The following HEXB variants were observed in gnomAD, a reference collection of about 807,000 sequenced individuals.
HEXB encodes the protein beta-hexosaminidase subunit beta.
Under a neutral mutation model 71.2 loss-of-function variants are expected in HEXB, and 51 were observed. That is an observed-to-expected ratio of 0.72 (90% CI 0.57 to 0.90). The LOEUF is 0.90. Among genes scored for constraint, HEXB ranks in the 40% least tolerant of loss-of-function variants. The probability of loss-of-function intolerance (pLI) is 0.00; values close to 1 mark genes in which losing one functional copy is unlikely to be tolerated. For synonymous variants in HEXB, 266 were observed against 249.3 expected (o/e 1.07, Z -0.63); for missense variants, 617 against 677.0 (o/e 0.91, Z 0.98).
Position 74,649,261 on chromosome 5 carries a change from G to A in HEXB, c.-377+8703G>A, listed in dbSNP as rs893227731. On this transcript the variant is annotated intron_variant, in intron 1 of 13. Transcript: ENST00000511181. ...CATGTATTTTCTCAGCAGAGACTGA[G>A]CAATTTCCAACTAGCCAACCCAGTG... Among the ~76,000 whole-genome samples the A allele has an allele frequency of 3.9e-5, 6 of 152,286 alleles. No individual in the cohort carries two copies. In the East Asian group the frequency reaches 1.2e-3, roughly 29 times the overall value.
chr5:74,697,464 A>C (rs1221974815), intron 5 of HEXB, among the ~76,000 whole-genome samples: 2 of 152,144 alleles, frequency 1.3e-5, no homozygotes, highest in Non-Finnish European at 2.9e-5. Flanking sequence ...GGTGGCTTAC[A>C]CTTGTAATCC....
chr5:74,672,594 C>G (rs1748559475), intron 1 of HEXB, among the ~76,000 whole-genome samples: 1 of 152,218 alleles, frequency 6.6e-6, no homozygotes, highest in African/African-American at 2.4e-5. Context: ...CCCCACCTCT[C>G]TCTAGACTTC....
chr5:74,705,038 G>A (rs1749347889), intron 5 of HEXB, among the ~76,000 whole-genome samples, 181 bp from the exon 6 acceptor site: 1 of 143,696 alleles, frequency 7.0e-6, no homozygotes, highest in South Asian at 2.1e-4. Flanking sequence ...GCTGCAGTGA[G>A]CCAAGATCAT....
At chr5:74,703,578 T>C (rs1749311540) in intron 5 of HEXB, among the ~76,000 whole-genome samples, 1 of 152,182 alleles carries the variant, frequency 6.6e-6, no homozygotes, top group African/African-American at 2.4e-5. Context: ...TACATTTGTA[T>C]GAATACACAC....
chr5:74,698,240 G>A (rs1198306296), intron 5 of HEXB, among the ~76,000 whole-genome samples: 1 of 151,430 alleles, frequency 6.6e-6, no homozygotes, highest in African/African-American at 2.4e-5. Context: ...ACCACGCCCA[G>A]CTAATTTTGC....
chr5:74,674,900 A>C (rs1052118740), intron 1 of HEXB, among the ~76,000 whole-genome samples: 3 of 152,176 alleles, frequency 2.0e-5, no homozygotes, highest in Non-Finnish European at 4.4e-5. Flanking sequence ...AAATCTGATA[A>C]ATTTCCTAAA....
At chr5:74,663,101 A>C (rs1165737982) in intron 1 of HEXB, among the ~76,000 whole-genome samples, 1 of 152,198 alleles carries the variant, frequency 6.6e-6, no homozygotes, top group African/African-American at 2.4e-5. Flanking sequence ...CAGTAAACGA[A>C]GACCCAAGAA....
At chr5:74,679,786 G>A (rs917774659) in intron 1 of HEXB, among the ~76,000 whole-genome samples, 1 of 112,496 alleles carries the variant, frequency 8.9e-6, no homozygotes, top group Non-Finnish European at 1.7e-5. Flanking sequence ...GTGACAGCGC[G>A]AGACTCCGTC....
At chr5:74,664,430 T>TTAAAAAAAAAAAAAAAAAAA (rs768901546) in intron 1 of HEXB, among the ~76,000 whole-genome samples, 3 of 79,658 alleles carry the variant, frequency 3.8e-5, no homozygotes, top group South Asian at 4.5e-4. Flanking sequence ...ATTCTATCTC[T>TTAAAAAAAAAAAAAAAAAAA]AAAAAAAAAA....
At chr5:74,713,338 A>G (rs903872885) in intron 6 of HEXB, among the ~76,000 whole-genome samples, 168 bp from the exon 7 acceptor site, 1 of 152,194 alleles carries the variant, frequency 6.6e-6, no homozygotes, top group Non-Finnish European at 1.5e-5. Context: ...TCCTGAAACT[A>G]TGGCACTATA....
In HEXB at chr5:74,718,860, G is replaced by A. The variant is rs1015621574; in HGVS notation, c.1306G>A (p.Val436Ile). ...DSAYPEELSR[V>I]TASGFPVILS... ...CGCATATCCTGAGGAACTCAGTAGA[G>A]TCACAGCATCTGGCTTCCCTGTAAT... The change falls in exon 11 of 14, where the codon GTC (valine) becomes ATC (isoleucine). Residue 436 changes from valine (V) to isoleucine (I), a missense_variant. Coordinates refer to ENST00000261416, the MANE Select transcript of HEXB (RefSeq NM_000521.4). 11 of 1,613,998 alleles carry A rather than the reference G, an allele frequency of 6.8e-6. No homozygotes were observed. The highest frequency in any genetic ancestry group is 4.0e-5 in the African/African-American group (3 of 74,924).
intron 6 of HEXB, among the ~76,000 whole-genome samples, chr5:74,709,482 CA>C (rs1245418733): frequency 1.3e-5 from 2 of 152,044 alleles, no homozygotes; most frequent in East Asian, 1.9e-4. Flanking sequence ...AAAAACCCTT[CA>C]AAAAATTAAT....
At chr5:74,680,335 T>C (rs1183575254), upstream of HEXB, among the ~76,000 whole-genome samples, 3 of 152,214 alleles carry the variant, frequency 2.0e-5, no homozygotes, top group Non-Finnish European at 2.9e-5. Context: ...CAGGAATGTT[T>C]ACAGTGGTTA....
intron 1 of HEXB, among the ~76,000 whole-genome samples, chr5:74,664,219 A>G (rs13185892): frequency 0.27 from 40,311 of 151,098 alleles, 5,519 homozygotes; most frequent in Non-Finnish European, 0.29. Flanking sequence ...TTGTGCCATT[A>G]CATTCCAGCC....
At chr5:74,680,283 T>G (rs1748715055), upstream of HEXB, among the ~76,000 whole-genome samples, 1 of 152,260 alleles carries the variant, frequency 6.6e-6, no homozygotes, top group African/African-American at 2.4e-5. Flanking sequence ...ATTTTGGAAT[T>G]GCTACAGACT....
chr5:74,690,421 G>C (rs1748972469), intron 2 of HEXB, among the ~76,000 whole-genome samples: 1 of 151,940 alleles, frequency 6.6e-6, no homozygotes, highest in Non-Finnish European at 1.5e-5. Flanking sequence ...AGGCTGAGGT[G>C]GGTGGATCAC....
Position 74,713,585 on chromosome 5 carries a change from G to C in HEXB, c.851G>C (p.Arg284Pro). The change falls in exon 7 of 14, where the codon CGA becomes CCA. Residue 284 changes from arginine to proline, a missense_variant. Arg to Pro is a moderately radical substitution (Grantham distance 103). Transcript: ENST00000261416. Reference protein sequence around the residue: ...VIEYARLRGIRVLPEFDTPGH... With the variant: ...VIEYARLRGIPVLPEFDTPGH... ...GAATATGCCAGATTACGAGGAATTCGAGTCCTGCCAGAATTTGATACCCCT... is the reference window on the plus strand; with the variant it reads ...GAATATGCCAGATTACGAGGAATTCCAGTCCTGCCAGAATTTGATACCCCT... 1 of 1,613,420 alleles carries C rather than the reference G, an allele frequency of 6.2e-7. No homozygotes were observed. The highest frequency in any genetic ancestry group is 8.5e-7 in the Non-Finnish European group (1 of 1,179,374).
intron 9 of HEXB, 135 bp from the exon 10 acceptor site, chr5:74,718,156 G>A: frequency 1.5e-6 from 1 of 683,980 alleles, no homozygotes; most frequent in Non-Finnish European, 2.6e-6. Context: ...AACTTGAGCT[G>A]CTTCTGCTAT....
chr5:74,710,741 C>A (rs1437325657), intron 6 of HEXB, among the ~76,000 whole-genome samples: 1 of 151,136 alleles, frequency 6.6e-6, no homozygotes, highest in East Asian at 1.9e-4. Context: ...TGTGAAGGAC[C>A]TCTTCAAGGA....
Sources: allele counts gnomAD v4.1 joint callset (sites outside exome capture counted in the v4.1 genomes callset), GRCh38; gene constraint gnomAD v4.1.1; transcripts MANE v1.5; gene names NCBI Gene and HGNC (gene_info 2026-07-23, HGNC 2026-07-21).